Variants in MPP7 observed in about 807,000 individuals in gnomAD.
The protein encoded by MPP7 is MAGUK p55 scaffold protein 7.
A neutral mutation model predicts 76.5 loss-of-function variants in MPP7; 60 were observed. The observed-to-expected ratio is 0.78, with a 90% CI of 0.64 to 0.97. The LOEUF (loss-of-function observed/expected upper bound fraction) is 0.97, where lower values mean the gene tolerates loss of function less well. Ranked by LOEUF, MPP7 falls within the 50% of genes least tolerant of loss-of-function variation. The pLI is 0.00. For synonymous variants in MPP7, 237 were observed against 244.5 expected (o/e 0.97, Z 0.29); for missense variants, 641 against 694.0 (o/e 0.92, Z 0.86).
At chr10:28,172,043 T>C (rs765963411) in intron 3 of MPP7, among the ~76,000 whole-genome samples, 2 of 152,214 alleles carry the variant, frequency 1.3e-5, no homozygotes, top group Non-Finnish European at 2.9e-5. Flanking sequence ...CAAGAGCCTG[T>C]GCTAACGTCT....
intron 12 of MPP7, among the ~76,000 whole-genome samples, chr10:28,073,538 G>A (rs577201672): frequency 6.6e-6 from 1 of 152,278 alleles, no homozygotes; most frequent in African/African-American, 2.4e-5. Flanking sequence ...GGGAGGCCAA[G>A]GCAGGTGGAT....
At position 28,074,124 on chromosome 10, in the gene MPP7, A is replaced by C. The variant is rs144918226; in HGVS notation, c.1124-4272T>G. ...ATCCCCACCAAATAAATCCTTAATA[A>C]ACATCTGCTGAATGAACAAATAAAA... On this transcript the variant is annotated intron_variant, in intron 12 of 16. Coordinates refer to ENST00000683449, the MANE Select transcript of MPP7 (RefSeq NM_001318170.2). 6.4e-4 allele frequency among the ~76,000 whole-genome samples: 97 copies of C among 152,300 alleles called. 2 individuals are homozygous for C. The East Asian group carries it at 0.012, about 19-fold the overall frequency.
At chr10:28,315,020 C>A (rs1341502535) in intron 2 of MPP7, among the ~76,000 whole-genome samples, 1 of 151,956 alleles carries the variant, frequency 6.6e-6, no homozygotes, top group East Asian at 1.9e-4. Context: ...TGGTGGTACA[C>A]ACCTGTAGAA....
At chr10:28,129,603 A>T (rs1164012455) in intron 6 of MPP7, among the ~76,000 whole-genome samples, 2 of 150,786 alleles carry the variant, frequency 1.3e-5, no homozygotes, top group South Asian at 2.1e-4. Context: ...AAAAAAAAAA[A>T]TTTACTTTAT....
intron 1 of MPP7, among the ~76,000 whole-genome samples, chr10:28,258,007 T>C (rs1839839807): frequency 6.6e-6 from 1 of 152,102 alleles, no homozygotes; most frequent in Non-Finnish European, 1.5e-5. Flanking sequence ...GCTGACACCT[T>C]ACAGTACACA....
intron 1 of MPP7, among the ~76,000 whole-genome samples, chr10:28,276,563 G>T (rs867889135): frequency 2.0e-5 from 3 of 151,914 alleles, no homozygotes; most frequent in African/African-American, 7.3e-5. Context: ...TCTTTGAGTC[G>T]GATTACTAAA....
intron 1 of MPP7, among the ~76,000 whole-genome samples, chr10:28,288,372 T>G (rs1434916949): frequency 6.6e-6 from 1 of 152,070 alleles, no homozygotes; most frequent in African/African-American, 2.4e-5. Flanking sequence ...CCCAAGTAGC[T>G]AGGACCACAA....
At chr10:28,154,789 T>C (rs983680474) in intron 3 of MPP7, among the ~76,000 whole-genome samples, 1 of 151,984 alleles carries the variant, frequency 6.6e-6, no homozygotes, top group Non-Finnish European at 1.5e-5. Flanking sequence ...CAGAGATATA[T>C]AATCTGTCCC....
intron 11 of MPP7, among the ~76,000 whole-genome samples, chr10:28,116,040 G>C (rs1834655440): frequency 6.6e-6 from 1 of 151,956 alleles, no homozygotes; most frequent in Non-Finnish European, 1.5e-5. Flanking sequence ...CTTATATTTT[G>C]ATAACTAAAA....
chr10:28,112,651 G>T (rs1162906517), intron 11 of MPP7, among the ~76,000 whole-genome samples: 1 of 151,316 alleles, frequency 6.6e-6, no homozygotes, highest in Non-Finnish European at 1.5e-5. Flanking sequence ...AAAGGAAACA[G>T]AATTTCTCAG....
chr10:28,289,073 G>C (rs189126950), intron 1 of MPP7, among the ~76,000 whole-genome samples: 1 of 152,116 alleles, frequency 6.6e-6, no homozygotes, highest in Admixed American at 6.5e-5. Flanking sequence ...GCCGAGGTGG[G>C]CGGATCATTT....
intron 12 of MPP7, among the ~76,000 whole-genome samples, chr10:28,071,825 G>A (rs1448224822): frequency 2.0e-5 from 3 of 152,094 alleles, no homozygotes; most frequent in Non-Finnish European, 4.4e-5. Context: ...AAGCCCAGTG[G>A]TACATGTAAA....
At chr10:28,246,838 T>A (rs1027731789) in intron 1 of MPP7, among the ~76,000 whole-genome samples, 2 of 152,144 alleles carry the variant, frequency 1.3e-5, no homozygotes, top group South Asian at 4.2e-4. Context: ...CAAGATGAGA[T>A]TTGGGTACGG....
intron 2 of MPP7, among the ~76,000 whole-genome samples, chr10:28,229,881 T>C (rs949055335): frequency 8.1e-5 from 12 of 147,812 alleles, no homozygotes; most frequent in Non-Finnish European, 1.3e-4. Context: ...AGAGCTAGAC[T>C]CCGTCTCAAA....
At chr10:28,272,913 TTTTTG>T (rs1197044735) in intron 1 of MPP7, among the ~76,000 whole-genome samples, 1 of 152,126 alleles carries the variant, frequency 6.6e-6, no homozygotes. Context: ...TGGTTTGTTT[TTTTTG>T]TTTGTTTGTT....
chr10:28,270,943 T>A (rs1840309154), intron 1 of MPP7, among the ~76,000 whole-genome samples: 1 of 152,176 alleles, frequency 6.6e-6, no homozygotes, highest in South Asian at 2.1e-4. Context: ...GACTTTTTAG[T>A]ACAATAGTAA....
At chr10:28,283,309 T>C (rs900876775) in intron 1 of MPP7, among the ~76,000 whole-genome samples, 1 of 152,044 alleles carries the variant, frequency 6.6e-6, no homozygotes, top group African/African-American at 2.4e-5. Flanking sequence ...TTCCTAGTTA[T>C]ATGACCCCAA....
chr10:28,246,592 T>C (rs938572420), intron 1 of MPP7, among the ~76,000 whole-genome samples: 11 of 152,174 alleles, frequency 7.2e-5, no homozygotes, highest in African/African-American at 2.7e-4. Context: ...AATTCTTTTA[T>C]AAATTTTCAG....
intron 13 of MPP7, among the ~76,000 whole-genome samples, chr10:28,060,336 G>A (rs993494379): frequency 2.0e-5 from 3 of 152,002 alleles, no homozygotes; most frequent in Non-Finnish European, 4.4e-5. Flanking sequence ...ATTTATTAAC[G>A]AACTAAAATG....
Sources: allele counts gnomAD v4.1 joint callset (sites outside exome capture counted in the v4.1 genomes callset), GRCh38; gene constraint gnomAD v4.1.1; transcripts MANE v1.5; gene names NCBI Gene and HGNC (gene_info 2026-07-23, HGNC 2026-07-21).